TEX11: variants seen among roughly 807,000 people sequenced by gnomAD.
TEX11 encodes testis expressed 11, also known as testis-expressed protein 11.
In TEX11, 7 loss-of-function variants were observed where a neutral mutation model predicts 84.4. That is an observed-to-expected ratio of 0.08 (90% CI 0.05 to 0.16). The LOEUF (loss-of-function observed/expected upper bound fraction) is 0.16. Among genes scored for constraint, TEX11 ranks in the 10% least tolerant of loss-of-function variants. The pLI is 1.00. For missense variants in TEX11, 551 were observed against 660.5 expected (o/e 0.83, Z 1.82); for synonymous variants, 264 against 222.8 (o/e 1.18, Z -1.64).
At chrX:70,819,051 C>T (rs1486884300) in intron 8 of TEX11, among the ~76,000 whole-genome samples, 1 of 111,692 alleles carries the variant, frequency 9.0e-6, no homozygotes, top group East Asian at 2.8e-4. Context: ...TCAAACTCTT[C>T]CAAAAAATAA....
chrX:70,543,879 C>T (rs910459370), intron 28 of TEX11, among the ~76,000 whole-genome samples: 5 of 112,082 alleles, frequency 4.5e-5, no homozygotes, highest in Non-Finnish European at 7.5e-5. Flanking sequence ...CACACCTAGG[C>T]GATATGGTAA....
chrX:70,580,694 G>A (rs185165358), intron 25 of TEX11, among the ~76,000 whole-genome samples: 1,421 of 111,072 alleles, frequency 0.013, 8 homozygotes, highest in Non-Finnish European at 0.02. Context: ...ATTTTACTTC[G>A]GTCTGTTTTT....
At chrX:70,649,517 A>G (rs769507811) in intron 17 of TEX11, among the ~76,000 whole-genome samples, 18 of 112,599 alleles carry the variant, frequency 1.6e-4, no homozygotes, top group Non-Finnish European at 1.9e-5. Flanking sequence ...TAGTCGCTTT[A>G]GAAAACAGTT....
At chrX:70,784,625 A>G (rs1483106268) in intron 9 of TEX11, among the ~76,000 whole-genome samples, 1 of 112,044 alleles carries the variant, frequency 8.9e-6, no homozygotes, top group African/African-American at 3.2e-5. Context: ...AAGCAACTTC[A>G]GCAAAGTCTC....
At chrX:70,876,503 G>A (rs1204226768) in intron 3 of TEX11, among the ~76,000 whole-genome samples, 1 of 111,359 alleles carries the variant, frequency 9.0e-6, no homozygotes, top group Non-Finnish European at 1.9e-5. Flanking sequence ...TTTTGTCTTA[G>A]GTTTACATAA....
intron 9 of TEX11, among the ~76,000 whole-genome samples, chrX:70,749,430 T>C (rs1278652123): frequency 9.0e-6 from 1 of 110,903 alleles, no homozygotes; most frequent in Non-Finnish European, 1.9e-5. Flanking sequence ...TCCTGCCTAA[T>C]TGCCCTGGCC....
chrX:70,661,145 A>G (rs1490041706), intron 16 of TEX11, among the ~76,000 whole-genome samples: 1 of 111,840 alleles, frequency 8.9e-6, no homozygotes, highest in Non-Finnish European at 1.9e-5. Context: ...GGGGTGACAG[A>G]CGGCACTTGG....
chrX:70,652,457 G>T (rs1215104881), intron 16 of TEX11, among the ~76,000 whole-genome samples: 2 of 111,594 alleles, frequency 1.8e-5, no homozygotes, highest in Non-Finnish European at 3.8e-5. Context: ...TGAAAAACTG[G>T]TTATAAAACA....
At chrX:70,834,626 A>AACAAG (rs1196153799) in intron 7 of TEX11, among the ~76,000 whole-genome samples, 4 of 109,955 alleles carry the variant, frequency 3.6e-5, no homozygotes, top group African/African-American at 1.3e-4. Flanking sequence ...AACAAAACAA[A>AACAAG]ACAAAACAAC....
At chrX:70,639,522 T>C (rs2089622115) in intron 17 of TEX11, among the ~76,000 whole-genome samples, 2 of 112,201 alleles carry the variant, frequency 1.8e-5, no homozygotes, top group Admixed American at 9.4e-5. Context: ...TGTCCCTGTC[T>C]GACAGCTTTG....
intron 2 of TEX11, among the ~76,000 whole-genome samples, chrX:70,883,060 G>T (rs981311417): frequency 8.9e-6 from 1 of 112,419 alleles, no homozygotes; most frequent in African/African-American, 3.2e-5. Flanking sequence ...AAGTGATAGA[G>T]ATCACATAGC....
At chrX:70,526,567 TA>T (rs528016287), downstream of TEX11, among the ~76,000 whole-genome samples, 566 of 80,710 alleles carry the variant, frequency 7.0e-3, 1 homozygote, top group African/African-American at 0.014. Flanking sequence ...AGACTCCGTC[TA>T]AAAAAAAAAA....
intron 9 of TEX11, among the ~76,000 whole-genome samples, chrX:70,779,815 T>C (rs954770813): frequency 7.2e-5 from 8 of 111,512 alleles, no homozygotes; most frequent in Non-Finnish European, 1.3e-4. Flanking sequence ...CCTAGATATA[T>C]ACAACATATC....
rs1556187116 is a variant in TEX11, at chrX:70,859,600, A to AG, written c.324+1256_324+1257insC. On this transcript the variant is annotated intron_variant, in intron 5 of 29. Coordinates refer to ENST00000374333, the MANE Select transcript of TEX11 (RefSeq NM_031276.3). ...CTGTCCAAAAAAAAAAAAAAAAAAA[A>AG]AGAGAGAACAGATAGATGGAGCAGA... is the stretch of plus-strand genomic sequence containing the variant. Among the ~76,000 whole-genome samples, 292 of 96,176 alleles carry AG rather than the reference A, an allele frequency of 3.0e-3. 2 individuals carry two copies. The highest frequency in any genetic ancestry group is 0.012 in the African/African-American group (267 of 23,025). 83.5% of individuals were successfully genotyped at this position (96,176 alleles called of 115,157 possible).
At chrX:70,618,458 T>C (rs2089344898) in intron 20 of TEX11, among the ~76,000 whole-genome samples, 3 of 111,595 alleles carry the variant, frequency 2.7e-5, no homozygotes, top group Admixed American at 9.5e-5. Flanking sequence ...CATATTCCTC[T>C]TGTAACCTCT....
chrX:70,856,386 T>G (rs977151891), intron 5 of TEX11, among the ~76,000 whole-genome samples: 24 of 110,714 alleles, frequency 2.2e-4, no homozygotes, highest in African/African-American at 7.8e-4. Context: ...TACATATATT[T>G]TAAAATATTT....
chrX:70,658,189 C>T (rs979061557), intron 16 of TEX11, among the ~76,000 whole-genome samples: 7 of 111,420 alleles, frequency 6.3e-5, no homozygotes, highest in East Asian at 2.8e-4. Context: ...CTGAGAAGGG[C>T]GGATCACCTG....
At chrX:70,609,017 C>G in intron 22 of TEX11, 74 bp downstream of exon 22, 1 of 838,174 alleles carries the variant, frequency 1.2e-6, no homozygotes, top group Non-Finnish European at 1.7e-6. Context: ...AATGAAAGAT[C>G]CAGAATTTGA....
chrX:70,588,359 T>A (rs2088881573), intron 25 of TEX11, among the ~76,000 whole-genome samples: 1 of 111,705 alleles, frequency 9.0e-6, no homozygotes, highest in East Asian at 2.8e-4. Context: ...TGGAGGTGAT[T>A]GAATCACAAG....
Sources: allele counts gnomAD v4.1 joint callset (sites outside exome capture counted in the v4.1 genomes callset), GRCh38; gene constraint gnomAD v4.1.1; transcripts MANE v1.5; gene names NCBI Gene and HGNC (gene_info 2026-07-23, HGNC 2026-07-21).